The following SNTG2 variants were observed in gnomAD, a reference collection of about 807,000 sequenced individuals.
SNTG2 encodes the protein syntrophin gamma 2.
In SNTG2, 74 loss-of-function variants were observed where a neutral mutation model predicts 70.9. The ratio of observed to expected loss-of-function variants is 1.04; its 90% CI spans 0.86 to 1.27. The LOEUF (loss-of-function observed/expected upper bound fraction) is 1.27. Among genes scored for constraint, SNTG2 ranks in the 50% most tolerant of loss-of-function variants. The probability of loss-of-function intolerance (pLI) is 0.00; values close to 1 mark genes in which losing one functional copy is unlikely to be tolerated. For missense variants in SNTG2, 717 were observed against 690.7 expected (o/e 1.04, Z -0.43); for synonymous variants, 278 against 273.8 (o/e 1.02, Z -0.15).
At chr2:1,281,330 T>TGG (rs1679519974) in intron 14 of SNTG2, among the ~76,000 whole-genome samples, 1 of 77,984 alleles carries the variant, frequency 1.3e-5, no homozygotes, top group Non-Finnish European at 2.7e-5. Context: ...GTGTGGTGTG[T>TGG]GTGTGTGGTG....
intron 14 of SNTG2, among the ~76,000 whole-genome samples, chr2:1,297,641 C>T (rs556426295): frequency 3.3e-5 from 5 of 152,278 alleles, no homozygotes; most frequent in South Asian, 2.1e-4. Context: ...CTGGCGCATC[C>T]GCAGTTCCTT....
At chr2:1,221,487 C>CTCTGTCTG in intron 9 of SNTG2, among the ~76,000 whole-genome samples, 1 of 49,492 alleles carries the variant, frequency 2.0e-5, no homozygotes, top group South Asian at 1.2e-3. Flanking sequence ...CTCTCTCTCT[C>CTCTGTCTG]TGTCTCTCTC....
intron 4 of SNTG2, among the ~76,000 whole-genome samples, chr2:1,128,370 T>C (rs1022116859): frequency 5.3e-5 from 8 of 152,210 alleles, no homozygotes; most frequent in Admixed American, 1.3e-4. Flanking sequence ...CATTTTATTA[T>C]ACATATGAAT....
intron 4 of SNTG2, among the ~76,000 whole-genome samples, chr2:1,101,877 A>T (rs913776777): frequency 6.6e-6 from 1 of 152,236 alleles, no homozygotes; most frequent in African/African-American, 2.4e-5. Context: ...TTCTCCAGGG[A>T]CACCAGAGCA....
intron 4 of SNTG2, among the ~76,000 whole-genome samples, chr2:1,134,679 C>A (rs1011970741): frequency 6.6e-6 from 1 of 152,214 alleles, no homozygotes; most frequent in East Asian, 1.9e-4. Context: ...GGATCCCCCA[C>A]CGGGGCTGCA....
intron 4 of SNTG2, among the ~76,000 whole-genome samples, chr2:1,115,939 C>G (rs1242219434): frequency 1.3e-5 from 2 of 152,232 alleles, no homozygotes; most frequent in Admixed American, 6.5e-5. Context: ...CCGAGATGGC[C>G]CAGGGCCTGC....
chr2:1,016,536 C>T (rs763852145), intron 1 of SNTG2, among the ~76,000 whole-genome samples: 1 of 144,752 alleles, frequency 6.9e-6, no homozygotes. Flanking sequence ...CCACCACGCC[C>T]GGCCGACAAC....
At chr2:1,150,120 GA>G (rs1313120707) in intron 6 of SNTG2, among the ~76,000 whole-genome samples, 2 of 152,212 alleles carry the variant, frequency 1.3e-5, no homozygotes, top group African/African-American at 4.8e-5. Context: ...GCAAGCATTT[GA>G]AGGTTTAGGG....
chr2:1,290,317 CTTT>C (rs34782770), intron 14 of SNTG2, among the ~76,000 whole-genome samples: 12 of 144,440 alleles, frequency 8.3e-5, no homozygotes, highest in Non-Finnish European at 9.1e-5. Context: ...GTTCTACATC[CTTT>C]TTTTTTTTTT....
intron 1 of SNTG2, among the ~76,000 whole-genome samples, chr2:1,052,695 A>T (rs1387691085): frequency 6.6e-6 from 1 of 152,194 alleles, no homozygotes; most frequent in Non-Finnish European, 1.5e-5. Context: ...CGTCCTTTAT[A>T]GACAATTCTG....
intron 6 of SNTG2, among the ~76,000 whole-genome samples, chr2:1,152,785 T>C (rs1445942417): frequency 6.6e-6 from 1 of 152,178 alleles, no homozygotes; most frequent in Non-Finnish European, 1.5e-5. Context: ...GGTAATTTCA[T>C]TTACTTAAAG....
At position 1,137,678 on chromosome 2, in the gene SNTG2, C is replaced by G. The variant is rs775879643; in HGVS notation, c.369+13C>G. The G allele has an allele frequency of 6.2e-7, 1 of 1,613,558 alleles. No individual in the cohort carries two copies. Among genetic ancestry groups the G allele is most frequent in the Non-Finnish European group, 8.5e-7 (1 of 1,179,690 alleles). Reference sequence around the variant, plus strand: ...TGCTGTTCTCCAGGTCAGTATTGTACACGTTAATCCTTAACTTGATTGCAT... The same window carrying G: ...TGCTGTTCTCCAGGTCAGTATTGTAGACGTTAATCCTTAACTTGATTGCAT... On this transcript the variant is annotated intron_variant, in intron 5 of 16. Transcript: ENST00000308624.
intron 9 of SNTG2, among the ~76,000 whole-genome samples, chr2:1,210,910 TATC>T (rs1673998212): frequency 6.6e-6 from 1 of 152,180 alleles, no homozygotes; most frequent in South Asian, 2.1e-4. Flanking sequence ...TTGTAGCCTG[TATC>T]ATCTAGGTTT....
At chr2:1,248,689 C>A (rs1403363935) in intron 12 of SNTG2, among the ~76,000 whole-genome samples, 2 of 152,184 alleles carry the variant, frequency 1.3e-5, no homozygotes, top group Non-Finnish European at 2.9e-5. Context: ...TTCATGCCAG[C>A]TCATCTCAGA....
chr2:1,209,321 G>A, intron 9 of SNTG2, 91 bp downstream of exon 9: 1 of 1,487,650 alleles, frequency 6.7e-7, no homozygotes, highest in Non-Finnish European at 9.2e-7. Context: ...CAGAGCGCTT[G>A]ACTGTGACAT....
At chr2:1,091,737 A>G (rs2148193400) in intron 2 of SNTG2, among the ~76,000 whole-genome samples, 2 of 152,322 alleles carry the variant, frequency 1.3e-5, no homozygotes, top group Middle Eastern at 3.4e-3. Flanking sequence ...AATTTTTAAA[A>G]TTTAGGAGTT....
chr2:1,043,124 A>G (rs1331986283), intron 1 of SNTG2, among the ~76,000 whole-genome samples: 1 of 152,138 alleles, frequency 6.6e-6, no homozygotes, highest in Non-Finnish European at 1.5e-5. Flanking sequence ...ATGATTAGTG[A>G]TGTTGCCCAT....
chr2:1,334,430 A>G (rs1279002881), intron 16 of SNTG2, among the ~76,000 whole-genome samples: 2 of 152,190 alleles, frequency 1.3e-5, no homozygotes, highest in African/African-American at 4.8e-5. Context: ...TGATCCAGCA[A>G]CCCCACTATT....
At chr2:1,165,408 C>G (rs1670639706) in intron 6 of SNTG2, 140 bp from the exon 7 acceptor site, 1 of 777,812 alleles carries the variant, frequency 1.3e-6, no homozygotes, top group Non-Finnish European at 2.1e-6. Context: ...CAGCTGAAGC[C>G]CACAAAGTTT....
Sources: gnomAD v4.1 joint callset for allele counts (sites outside exome capture counted in the v4.1 genomes callset) on GRCh38, gnomAD v4.1.1 for gene constraint, MANE v1.5 for transcripts, NCBI Gene and HGNC (gene_info 2026-07-23, HGNC 2026-07-21) for gene names.